Variants in XPR1 observed in about 807,000 individuals in gnomAD.
XPR1 encodes xenotropic and polytropic retrovirus receptor 1, also known as solute carrier family 53 member 1.
Under a neutral mutation model 87.5 loss-of-function variants are expected in XPR1, and 28 were observed. The observed-to-expected ratio is 0.32, with a 90% CI of 0.24 to 0.44. The LOEUF is 0.44. Ranked by LOEUF, XPR1 falls within the 20% of genes least tolerant of loss-of-function variation. The pLI is 1.00. For missense variants in XPR1, 559 were observed against 862.3 expected (o/e 0.65, Z 4.41); for synonymous variants, 300 against 306.1 (o/e 0.98, Z 0.21).
intron 11 of XPR1, among the ~76,000 whole-genome samples, chr1:180,849,668 T>G (rs1325260985): frequency 1.3e-5 from 2 of 152,212 alleles, no homozygotes; most frequent in Non-Finnish European, 2.9e-5. Context: ...ATCTTAGCAG[T>G]CAAGTGATGA....
chr1:180,649,560 C>A (rs1387730436), intron 1 of XPR1, among the ~76,000 whole-genome samples: 1 of 152,198 alleles, frequency 6.6e-6, no homozygotes, highest in Non-Finnish European at 1.5e-5. Flanking sequence ...ATTCATGTGT[C>A]ATTGTTTAAA....
intron 2 of XPR1, among the ~76,000 whole-genome samples, chr1:180,784,142 T>A (rs1649047376): frequency 6.6e-6 from 1 of 152,042 alleles, no homozygotes; most frequent in South Asian, 2.1e-4. Flanking sequence ...ACATGTGGGA[T>A]TAAACACTGA....
chr1:180,733,480 T>C (rs2102013953), intron 2 of XPR1, among the ~76,000 whole-genome samples: 1 of 152,234 alleles, frequency 6.6e-6, no homozygotes, highest in African/African-American at 2.4e-5. Context: ...ATACAGAGGG[T>C]AAAAAGCACT....
At chr1:180,808,460 A>G (rs1650082807) in intron 6 of XPR1, among the ~76,000 whole-genome samples, 1 of 152,146 alleles carries the variant, frequency 6.6e-6, no homozygotes, top group African/African-American at 2.4e-5. Flanking sequence ...AAAGCACCTC[A>G]TCAAAATTAA....
In XPR1 at chr1:180,888,105, T is replaced by G. The variant is rs1369985221; in HGVS notation, c.*4039T>G. On this transcript the variant is annotated 3_prime_UTR_variant, in exon 15 of 15. Coordinates refer to ENST00000367590, the MANE Select transcript of XPR1 (RefSeq NM_004736.4). Reference sequence around the variant, plus strand: ...GACGCGAAGGTGATGCCTCCATCTGTCCGCTTAGTGGTTATTAAATTGCTG... The same window carrying G: ...GACGCGAAGGTGATGCCTCCATCTGGCCGCTTAGTGGTTATTAAATTGCTG... The G allele has an allele frequency of 6.6e-6, 1 of 152,200 alleles. No individual in the cohort carries two copies. The highest frequency in any genetic ancestry group is 1.9e-4 in the East Asian group (1 of 5,198). 9.4% of individuals were successfully genotyped at this position (152,200 alleles called of 1,614,324 possible). A position where few individuals can be genotyped will look rare whatever the true frequency, so the allele number is the denominator to read the frequency against.
intron 2 of XPR1, among the ~76,000 whole-genome samples, chr1:180,774,776 A>C (rs189590756): frequency 1.6e-4 from 24 of 152,172 alleles, no homozygotes; most frequent in African/African-American, 5.1e-4. Flanking sequence ...CTTTAGCTAT[A>C]TGTCTTAGTC....
intron 2 of XPR1, among the ~76,000 whole-genome samples, chr1:180,723,488 A>C (rs1021495301): frequency 2.0e-5 from 3 of 152,206 alleles, no homozygotes; most frequent in Non-Finnish European, 4.4e-5. Context: ...GTAAAACTCT[A>C]CATAAAGAAC....
chr1:180,733,266 G>C (rs980729709), intron 2 of XPR1, among the ~76,000 whole-genome samples: 1 of 152,114 alleles, frequency 6.6e-6, no homozygotes, highest in Non-Finnish European at 1.5e-5. Context: ...GGCTATTTTT[G>C]TTCCTAGCCC....
chr1:180,762,818 T>G (rs912894412), intron 2 of XPR1, among the ~76,000 whole-genome samples: 1 of 152,212 alleles, frequency 6.6e-6, no homozygotes, highest in African/African-American at 2.4e-5. Flanking sequence ...GTAACTCTAC[T>G]GGGATGTACT....
At chr1:180,726,155 C>T (rs1419463708) in intron 2 of XPR1, among the ~76,000 whole-genome samples, 1 of 152,106 alleles carries the variant, frequency 6.6e-6, no homozygotes, top group African/African-American at 2.4e-5. Flanking sequence ...TGTAAAAAAA[C>T]ACCAATCAGC....
At chr1:180,873,366 G>T (rs1482833980) in intron 12 of XPR1, among the ~76,000 whole-genome samples, 1 of 152,130 alleles carries the variant, frequency 6.6e-6, no homozygotes, top group Non-Finnish European at 1.5e-5. Context: ...CAAATACAGG[G>T]TAAGGCAAAT....
chr1:180,787,466 G>A (rs576788472), intron 2 of XPR1, among the ~76,000 whole-genome samples: 1 of 152,052 alleles, frequency 6.6e-6, no homozygotes, highest in Admixed American at 6.5e-5. Context: ...TTTTAGTAGA[G>A]ACGTGATTTC....
Position 180,811,397 on chromosome 1 carries a change from C to T in XPR1, c.682-10C>T. The T allele has an allele frequency of 6.2e-7, 1 of 1,611,036 alleles. No homozygotes were observed. The highest frequency in any genetic ancestry group is 8.5e-7 in the Non-Finnish European group (1 of 1,178,260). On this transcript the variant is annotated splice_polypyrimidine_tract_variant and intron_variant, in intron 6 of 14. Coordinates refer to ENST00000367590, the MANE Select transcript of XPR1 (RefSeq NM_004736.4). ...TGTCCTGTACTCAAATACTATTTTT[C>T]TGTCCACAGCCTGCACCAGCATGGA...
intron 1 of XPR1, among the ~76,000 whole-genome samples, chr1:180,658,856 A>C (rs926976421): frequency 6.6e-6 from 1 of 151,874 alleles, no homozygotes; most frequent in Non-Finnish European, 1.5e-5. Context: ...GGAGTGAGCC[A>C]CTGCACCCGG....
At chr1:180,835,343 A>T (rs141053595) in intron 10 of XPR1, among the ~76,000 whole-genome samples, 1 of 152,190 alleles carries the variant, frequency 6.6e-6, no homozygotes, top group African/African-American at 2.4e-5. Flanking sequence ...TCATGCCAGC[A>T]ATTTGTTGTC....
At chr1:180,809,425 A>G (rs190825499) in intron 6 of XPR1, among the ~76,000 whole-genome samples, 12 of 152,314 alleles carry the variant, frequency 7.9e-5, no homozygotes, top group Admixed American at 5.2e-4. Context: ...TTGTATATCA[A>G]CTTAGTCAGT....
chr1:180,654,271 G>T (rs1009272241), intron 1 of XPR1, among the ~76,000 whole-genome samples: 6 of 151,862 alleles, frequency 4.0e-5, no homozygotes, highest in Non-Finnish European at 8.8e-5. Context: ...CTACTTTCTT[G>T]CAAGTTGCTA....
At chr1:180,675,881 A>G (rs1656353768) in intron 1 of XPR1, among the ~76,000 whole-genome samples, 1 of 152,128 alleles carries the variant, frequency 6.6e-6, no homozygotes, top group Non-Finnish European at 1.5e-5. Flanking sequence ...TCTCTTGTTC[A>G]CAGGCACAGA....
intron 3 of XPR1, among the ~76,000 whole-genome samples, chr1:180,793,879 GTC>G (rs1296132807): frequency 6.6e-6 from 1 of 151,062 alleles, no homozygotes; most frequent in East Asian, 1.9e-4. Flanking sequence ...CCTTCCTTCT[GTC>G]TCTCTCCTAT....
Sources: allele counts gnomAD v4.1 joint callset (sites outside exome capture counted in the v4.1 genomes callset), GRCh38; gene constraint gnomAD v4.1.1; transcripts MANE v1.5; gene names NCBI Gene and HGNC (gene_info 2026-07-23, HGNC 2026-07-21).